The following EYS variants were observed in gnomAD, a reference collection of about 807,000 sequenced individuals.
The protein encoded by EYS is EGF-like photoreceptor maintenance factor, also known as protein eyes shut homolog.
Under a neutral mutation model 282.1 loss-of-function variants are expected in EYS, and 250 were observed. That is an observed-to-expected ratio of 0.89 (90% confidence interval 0.80 to 0.98). The LOEUF (loss-of-function observed/expected upper bound fraction) is 0.98, where lower values mean the gene tolerates loss of function less well. Ranked by LOEUF, EYS falls within the 50% of genes least tolerant of loss-of-function variation. The pLI, the probability that EYS is intolerant of heterozygous loss-of-function variation, is 0.00. For missense variants in EYS, 4,016 were observed against 3,709.0 expected (o/e 1.08, Z -2.15); for synonymous variants, 1,355 against 1,282.9 (o/e 1.06, Z -1.20).
At chr6:64,478,450 T>G (rs921828188) in intron 26 of EYS, among the ~76,000 whole-genome samples, 5 of 151,474 alleles carry the variant, frequency 3.3e-5, no homozygotes, top group African/African-American at 7.2e-5. Flanking sequence ...ATTTCTATAT[T>G]TAAAAGCTCT....
chr6:64,720,844 T>C (rs995458453), intron 22 of EYS, among the ~76,000 whole-genome samples: 4 of 152,238 alleles, frequency 2.6e-5, no homozygotes, highest in African/African-American at 9.6e-5. Flanking sequence ...TTTTTCAAAA[T>C]GATTTATGGT....
chr6:63,982,128 A>G (rs577987419), intron 35 of EYS, among the ~76,000 whole-genome samples: 18 of 151,890 alleles, frequency 1.2e-4, no homozygotes, highest in African/African-American at 1.4e-4. Context: ...CAGAAAGTTA[A>G]TGTCCTAAAA....
At chr6:65,675,492 A>C (rs1768552722) in intron 1 of EYS, among the ~76,000 whole-genome samples, 1 of 151,920 alleles carries the variant, frequency 6.6e-6, no homozygotes, top group African/African-American at 2.4e-5. Context: ...GACAAAATAT[A>C]ATTTAAGTCA....
At chr6:64,685,789 A>G (rs1350385730) in intron 22 of EYS, among the ~76,000 whole-genome samples, 1 of 152,100 alleles carries the variant, frequency 6.6e-6, no homozygotes, top group Non-Finnish European at 1.5e-5. Context: ...AGAATACACT[A>G]TTTTTTCAAG....
At chr6:63,796,227 C>T (rs748647842) in intron 37 of EYS, among the ~76,000 whole-genome samples, 4 of 152,124 alleles carry the variant, frequency 2.6e-5, no homozygotes, top group Non-Finnish European at 2.9e-5. Context: ...GTGCTTAGGG[C>T]GTACCCCAGA....
intron 26 of EYS, among the ~76,000 whole-genome samples, chr6:64,587,590 T>G (rs1257956603): frequency 6.6e-6 from 1 of 152,034 alleles, no homozygotes; most frequent in East Asian, 1.9e-4. Context: ...TTAATGCCAT[T>G]TAGTGTTAGA....
chr6:64,203,705 T>G (rs1440449821), intron 31 of EYS, among the ~76,000 whole-genome samples: 1 of 151,904 alleles, frequency 6.6e-6, no homozygotes, highest in African/African-American at 2.4e-5. Flanking sequence ...AAATACAGAG[T>G]AAGAGGATAA....
At chr6:65,689,596 C>A (rs979913970) in intron 1 of EYS, among the ~76,000 whole-genome samples, 3 of 149,614 alleles carry the variant, frequency 2.0e-5, no homozygotes, top group Non-Finnish European at 4.4e-5. Flanking sequence ...TTTTGAGTTG[C>A]TGTGATATAT....
chr6:64,320,402 C>CA, intron 29 of EYS, among the ~76,000 whole-genome samples: 1 of 151,890 alleles, frequency 6.6e-6, no homozygotes. Flanking sequence ...ATCTTTCTTT[C>CA]AGCATAGTTT....
intron 29 of EYS, among the ~76,000 whole-genome samples, chr6:64,312,700 T>C (rs573197653): frequency 6.6e-6 from 1 of 152,336 alleles, no homozygotes; most frequent in East Asian, 1.9e-4. Context: ...CAGAAATCTT[T>C]GCTGTTCTGC....
At chr6:65,434,322 A>ATTTTTTTTTTTTT (rs369477528) in intron 5 of EYS, among the ~76,000 whole-genome samples, 4 of 144,602 alleles carry the variant, frequency 2.8e-5, no homozygotes, top group Non-Finnish European at 6.1e-5. Context: ...GGTTTGCATA[A>ATTTTTTTTTTTTT]TTTTTTTTTT....
chr6:64,166,318 AT>A (rs1764289918), intron 31 of EYS, among the ~76,000 whole-genome samples: 1 of 152,192 alleles, frequency 6.6e-6, no homozygotes, highest in South Asian at 2.1e-4. Context: ...TTGACTCAAC[AT>A]TTTAAAGAAG....
chr6:64,946,522 A>G (rs1307292625), intron 14 of EYS, among the ~76,000 whole-genome samples: 1 of 151,922 alleles, frequency 6.6e-6, no homozygotes, highest in Non-Finnish European at 1.5e-5. Flanking sequence ...ACTTTAAATT[A>G]CTCTGTGAAA....
At chr6:63,843,696 C>G (rs1197572349) in intron 36 of EYS, among the ~76,000 whole-genome samples, 1 of 152,112 alleles carries the variant, frequency 6.6e-6, no homozygotes, top group Non-Finnish European at 1.5e-5. Flanking sequence ...CAGCACAAGA[C>G]AAGGATGCCC....
chr6:65,346,422 AAC>A (rs1410971898), intron 9 of EYS, among the ~76,000 whole-genome samples: 39 of 151,536 alleles, frequency 2.6e-4, no homozygotes, highest in East Asian at 2.6e-3. Context: ...AAAAACAAAA[AAC>A]AATGTCCGAA....
In EYS at chr6:63,984,574, A is replaced by G; in HGVS notation, c.6864T>C (p.His2288=). 1 of 1,549,336 alleles carries G rather than the reference A, an allele frequency of 6.5e-7. No homozygotes were observed. The highest frequency in any genetic ancestry group is 8.7e-7 in the Non-Finnish European group (1 of 1,145,306). ...TATGAATTTGAACATTTGCAGGAATATGGCCAAGGAACATTGATTCAAAAT... is the reference window on the plus strand; with the variant it reads ...TATGAATTTGAACATTTGCAGGAATGTGGCCAAGGAACATTGATTCAAAAT... The part of the protein sequence containing the change: ...QAYFESMFLG[H]IPANVQIHKK... Residue 2288 remains histidine (H), a synonymous_variant, in exon 35 of 43, where the codon CAT becomes CAC. Coordinates refer to ENST00000503581, the MANE Select transcript of EYS (RefSeq NM_001142800.2).
At chr6:64,210,857 G>A (rs908967548) in intron 31 of EYS, among the ~76,000 whole-genome samples, 2 of 152,066 alleles carry the variant, frequency 1.3e-5, no homozygotes, top group African/African-American at 2.4e-5. Flanking sequence ...GAGGGCCTGC[G>A]TATAACAAAA....
intron 1 of EYS, among the ~76,000 whole-genome samples, chr6:65,693,404 CTTTT>C (rs66464915): frequency 7.2e-5 from 9 of 125,274 alleles, no homozygotes; most frequent in Admixed American, 8.5e-5. Context: ...TTTTTCCTTT[CTTTT>C]TTTTTTTTTT....
intron 5 of EYS, 37 bp from the exon 6 acceptor site, chr6:65,405,404 G>C: frequency 6.9e-7 from 1 of 1,439,902 alleles, no homozygotes; most frequent in Non-Finnish European, 9.7e-7. Context: ...AAAAGAAAAG[G>C]AAGGAAGGAA....
Sources: allele counts gnomAD v4.1 joint callset (sites outside exome capture counted in the v4.1 genomes callset), GRCh38; gene constraint gnomAD v4.1.1; transcripts MANE v1.5; gene names NCBI Gene and HGNC (gene_info 2026-07-23, HGNC 2026-07-21).